Variants in PCNX1 observed in about 807,000 individuals in gnomAD.
PCNX1 encodes pecanex 1.
Under a neutral mutation model 242.2 loss-of-function variants are expected in PCNX1, and 78 were observed. That is an observed-to-expected ratio of 0.32 (90% confidence interval 0.27 to 0.39). The LOEUF (loss-of-function observed/expected upper bound fraction) is 0.39. Among genes scored for constraint, PCNX1 ranks in the 10% least tolerant of loss-of-function variants. The pLI, the probability that PCNX1 is intolerant of heterozygous loss-of-function variation, is 1.00. For synonymous variants in PCNX1, 1,024 were observed against 1,032.9 expected (o/e 0.99, Z 0.17); for missense variants, 2,581 against 2,856.5 (o/e 0.90, Z 2.20).
intron 1 of PCNX1, among the ~76,000 whole-genome samples, chr14:70,934,248 G>A (rs137942295): frequency 7.9e-5 from 12 of 152,258 alleles, no homozygotes; most frequent in South Asian, 2.1e-4. Flanking sequence ...ATGAAATTGC[G>A]CAATTTTTAG....
chr14:70,948,588 T>C (rs957834260), intron 2 of PCNX1, among the ~76,000 whole-genome samples: 3 of 151,618 alleles, frequency 2.0e-5, no homozygotes, highest in Non-Finnish European at 1.5e-5. Context: ...CACATATGCA[T>C]ATATAGATAT....
At chr14:70,960,292 T>C (rs950518185) in intron 2 of PCNX1, among the ~76,000 whole-genome samples, 1 of 145,276 alleles carries the variant, frequency 6.9e-6, no homozygotes, top group Non-Finnish European at 1.5e-5. Context: ...GTTTTAGACA[T>C]GAAGTCCTTG....
rs1439888378 is a variant in PCNX1, at chr14:70,978,216, A to G, written c.1879A>G (p.Ser627Gly). 2 of 1,614,100 alleles carry G rather than the reference A, an allele frequency of 1.2e-6. No homozygotes were observed. The highest frequency in any genetic ancestry group is 1.7e-6 in the Non-Finnish European group (2 of 1,179,978). ...CCAGTTCAGCAGTGATAGCTCTTCT[A>G]GCACCACTTCTCATTCCTGTCAGTC... ...AHQFSSDSSSSTTSHSCQSPE... is the reference protein window; with the variant it reads ...AHQFSSDSSSGTTSHSCQSPE... Residue 627 changes from serine to glycine, a missense_variant, in exon 6 of 36, where the codon AGC becomes GGC. Ser to Gly is a moderately conservative substitution (Grantham distance 56). This residue lies in a region of PCNX1 where 1,204 missense variants were observed against 1,216.7 expected (regional missense o/e 0.99). Coordinates refer to ENST00000304743, the MANE Select transcript of PCNX1 (RefSeq NM_014982.3).
intron 26 of PCNX1, among the ~76,000 whole-genome samples, chr14:71,073,165 T>C (rs2061627469): frequency 6.6e-6 from 1 of 152,206 alleles, no homozygotes; most frequent in Non-Finnish European, 1.5e-5. Flanking sequence ...TGGTGGCGCA[T>C]GCCTGTAATA....
At chr14:70,962,671 G>C (rs554630469) in intron 3 of PCNX1, among the ~76,000 whole-genome samples, 49 of 145,208 alleles carry the variant, frequency 3.4e-4, no homozygotes, top group African/African-American at 1.3e-3. Flanking sequence ...CAGTTTAAAC[G>C]TGGCCAAAAA....
intron 6 of PCNX1, among the ~76,000 whole-genome samples, chr14:70,982,992 T>C (rs921278918): frequency 6.6e-6 from 1 of 152,230 alleles, no homozygotes; most frequent in South Asian, 2.1e-4. Flanking sequence ...AAATGCTTTA[T>C]GTATTGTAGG....
At chr14:70,972,299 A>T (rs1019206528) in intron 5 of PCNX1, among the ~76,000 whole-genome samples, 5 of 152,058 alleles carry the variant, frequency 3.3e-5, no homozygotes. Context: ...TTCAGGGCCT[A>T]TCAGGTGCTG....
chr14:71,106,539 C>T (rs2062627265), intron 33 of PCNX1, among the ~76,000 whole-genome samples: 1 of 151,290 alleles, frequency 6.6e-6, no homozygotes, highest in African/African-American at 2.4e-5. Flanking sequence ...AAAAATCTTT[C>T]CAGAAAGGTT....
rs769253008 is a variant in PCNX1 at position 70,977,351 on chromosome 14, A to G, written c.1014A>G (p.Glu338=). Residue 338 remains glutamate, a synonymous_variant, in exon 6 of 36, where the codon GAA becomes GAG. Coordinates refer to ENST00000304743, the MANE Select transcript of PCNX1 (RefSeq NM_014982.3). ...TGGAAAATTCTGGTTTATCTGGGGA[A>G]TTTCAGCTTGCTGGTGACTTGAAAA... ...SLVENSGLSG[E]FQLAGDLKIN... 5 of 1,614,018 alleles carry G rather than the reference A, an allele frequency of 3.1e-6. No homozygotes were observed. The highest frequency in any genetic ancestry group is 4.2e-6 in the Non-Finnish European group (5 of 1,180,034).
chr14:71,065,882 A>G (rs2061433383), intron 26 of PCNX1, among the ~76,000 whole-genome samples: 2 of 152,124 alleles, frequency 1.3e-5, no homozygotes, highest in African/African-American at 4.8e-5. Flanking sequence ...TCCTTTCCCC[A>G]TTGCTTGTTT....
At chr14:71,039,040 G>A (rs1465183563) in intron 19 of PCNX1, among the ~76,000 whole-genome samples, 2 of 151,710 alleles carry the variant, frequency 1.3e-5, no homozygotes, top group East Asian at 3.9e-4. Context: ...CATGGACACA[G>A]GAAGGGGAAC....
chr14:70,956,384 AAAATAAATAAAT>A (rs1002739521), intron 2 of PCNX1, among the ~76,000 whole-genome samples: 1 of 151,868 alleles, frequency 6.6e-6, no homozygotes, highest in Non-Finnish European at 1.5e-5. Flanking sequence ...CTCTACCAAA[AAAATAAATAAAT>A]AAATAAAAAA....
At position 71,087,965 on chromosome 14, in the gene PCNX1, T is replaced by TA. The variant is rs554645724; in HGVS notation, c.5338-355dup. Among the ~76,000 whole-genome samples, 1,251 of 146,812 alleles carry TA rather than the reference T, an allele frequency of 8.5e-3. 10 individuals carry two copies. Among genetic ancestry groups the TA allele is most frequent in the Middle Eastern group, 0.024 (7 of 290 alleles). On this transcript the variant is annotated intron_variant, in intron 28 of 35. Transcript: ENST00000304743. ...GTTATGGTCAAAAATAAGTAGTTAA[T>TA]AAAAAAAAAAGAAAGAAGTAGCTAA... is the stretch of plus-strand genomic sequence containing the variant.
At chr14:71,012,818 CAAAAAAAA>C in intron 10 of PCNX1, 159 bp from the exon 11 acceptor site, 8 of 450,514 alleles carry the variant, frequency 1.8e-5, no homozygotes, top group East Asian at 3.9e-5. Context: ...GACTCTGTCT[CAAAAAAAA>C]AAAAAAAAAA....
intron 19 of PCNX1, among the ~76,000 whole-genome samples, chr14:71,041,282 T>C (rs2060696179): frequency 6.6e-6 from 1 of 152,190 alleles, no homozygotes; most frequent in African/African-American, 2.4e-5. Flanking sequence ...TACTAATTTA[T>C]ATTCCCAGCA....
chr14:70,954,944 A>G (rs571388236), intron 2 of PCNX1, among the ~76,000 whole-genome samples: 24 of 152,356 alleles, frequency 1.6e-4, no homozygotes, highest in Admixed American at 5.9e-4. Context: ...TTCTGAGGAA[A>G]AGAAATGAAT....
Position 71,057,580 on chromosome 14 carries a change from G to C in PCNX1, c.4708G>C (p.Gly1570Arg). ...TAGATCCCTACAGCACAGCCTCTGT[G>C]GTGATTTGCTACTAGGACGGTGGGG... ...LTRSLQHSLC[G>R]DLLLGRWGNY... Residue 1570 changes from glycine to arginine, a missense_variant, in exon 26 of 36, where the codon GGT becomes CGT. By Grantham distance (125) the Gly-to-Arg change is moderately radical. Around this residue, in one of 9 missense-constraint regions of PCNX1, gnomAD observed 99 missense variants for 147.3 expected, o/e 0.67. Transcript: ENST00000304743. 1 of 1,613,732 alleles carries C rather than the reference G, an allele frequency of 6.2e-7. No homozygotes were observed. Among genetic ancestry groups the C allele is most frequent in the Non-Finnish European group, 8.5e-7 (1 of 1,179,678 alleles).
At chr14:70,958,043 ATACT>A (rs143026224) in intron 2 of PCNX1, among the ~76,000 whole-genome samples, 1,975 of 152,298 alleles carry the variant, frequency 0.013, 26 homozygotes, top group African/African-American at 0.034. Flanking sequence ...CTCTATATAC[ATACT>A]TAAAGTTTTT....
chr14:71,110,663 C>T lies in PCNX1; in HGVS notation c.*728C>T, dbSNP rs1348819930. The T allele has an allele frequency of 1.3e-5, 2 of 152,418 alleles. No homozygotes were observed. Among genetic ancestry groups the T allele is most frequent in the Non-Finnish European group, 2.9e-5 (2 of 68,064 alleles). 9.4% of individuals were successfully genotyped at this position (152,418 alleles called of 1,614,324 possible). On this transcript the variant is annotated 3_prime_UTR_variant, in exon 36 of 36. Transcript: ENST00000304743. ...ATTTTTCTGTTAGTAGTGTGTACTT[C>T]ATGCCAGGACATTGGGTATTTTCTT...
Sources: allele counts gnomAD v4.1 joint callset (sites outside exome capture counted in the v4.1 genomes callset), GRCh38; gene constraint gnomAD v4.1.1; regional missense constraint gnomAD v4.1.1; transcripts MANE v1.5; gene names NCBI Gene and HGNC (gene_info 2026-07-23, HGNC 2026-07-21).